SBNO1: variants seen among roughly 807,000 people sequenced by gnomAD.
SBNO1 encodes the protein protein strawberry notch homolog 1.
In SBNO1, 23 loss-of-function variants were observed where a neutral mutation model predicts 173.6. That is an observed-to-expected ratio of 0.13 (90% CI 0.10 to 0.19). The LOEUF (loss-of-function observed/expected upper bound fraction) is 0.19, where lower values mean the gene tolerates loss of function less well. Among genes scored for constraint, SBNO1 ranks in the 10% least tolerant of loss-of-function variants. The probability of loss-of-function intolerance (pLI) is 1.00; values close to 1 mark genes in which losing one functional copy is unlikely to be tolerated. For missense variants in SBNO1, 1,238 were observed against 1,671.2 expected, an observed-to-expected ratio of 0.74 and a Z score of 4.52; for synonymous variants, 632 against 571.5, an observed-to-expected ratio of 1.11 and a Z score of -1.51.
chr12:123,336,353 G>A, intron 6 of SBNO1, 42 bp downstream of exon 6: 3 of 1,215,844 alleles, frequency 2.5e-6, no homozygotes, highest in East Asian at 2.4e-5. Context: ...GAAACCACAG[G>A]AAAACTTTGA....
intron 30 of SBNO1, among the ~76,000 whole-genome samples, chr12:123,301,081 C>T (rs2048776686): frequency 6.6e-6 from 1 of 151,908 alleles, no homozygotes; most frequent in Admixed American, 6.6e-5. Context: ...GATCTCAGCT[C>T]ACCGCAACTT....
chr12:123,315,150 T>G (rs1050582748), intron 23 of SBNO1, among the ~76,000 whole-genome samples: 4 of 152,254 alleles, frequency 2.6e-5, no homozygotes, highest in African/African-American at 9.6e-5. Flanking sequence ...GTCTCATTTA[T>G]TCTTGTTTTC....
chr12:123,328,124 G>C lies in SBNO1; in HGVS notation c.1297-97C>G, dbSNP rs751855088. ...AACTTTTATTTCCCTGAGGCCTTCTGATTGCCTATTTCATGACTGCAAATA... is the reference window on the plus strand; with the variant it reads ...AACTTTTATTTCCCTGAGGCCTTCTCATTGCCTATTTCATGACTGCAAATA... On this transcript the variant is annotated intron_variant, in intron 10 of 31. Transcript: ENST00000602398. 3.1e-6 allele frequency: 3 copies of C among 954,242 alleles called. No individual in the cohort carries two copies. The Admixed American group carries it at 7.0e-5, about 22-fold the overall frequency. The allele number at this position is 954,242 out of a possible 1,614,324, so 59.1% of individuals were successfully genotyped here.
chr12:123,304,923 T>TA (rs2048877910), intron 28 of SBNO1, among the ~76,000 whole-genome samples: 2 of 152,210 alleles, frequency 1.3e-5, no homozygotes, highest in African/African-American at 2.4e-5. Flanking sequence ...TAATTCTGGC[T>TA]AAAGATGAAG....
At chr12:123,355,134 C>T (rs776927707) in intron 1 of SBNO1, among the ~76,000 whole-genome samples, 5 of 152,064 alleles carry the variant, frequency 3.3e-5, no homozygotes, top group Non-Finnish European at 7.4e-5. Flanking sequence ...AATTCTCCTG[C>T]CTCAGCCTCC....
At chr12:123,313,414 G>A (rs1249666250) in intron 24 of SBNO1, among the ~76,000 whole-genome samples, 1 of 151,816 alleles carries the variant, frequency 6.6e-6, no homozygotes, top group African/African-American at 2.4e-5. Flanking sequence ...CATATCAACA[G>A]TAAGAGCACT....
chr12:123,348,028 C>G lies in SBNO1; in HGVS notation c.237+1G>C. ...TAACGACGAATCTAAATCATTCTTA[C>G]CCTCACATTTAATAGTGCTGGAGTA... On this transcript the variant is annotated splice_donor_variant, in intron 3 of 31. Coordinates refer to ENST00000602398, the MANE Select transcript of SBNO1 (RefSeq NM_001167856.3). LOFTEE classifies it high-confidence loss of function. The G allele has an allele frequency of 1.3e-6, 2 of 1,554,576 alleles. No homozygotes were observed. The highest frequency in any genetic ancestry group is 1.8e-6 in the Non-Finnish European group (2 of 1,128,864).
chr12:123,300,991 C>A (rs73231952), intron 30 of SBNO1, among the ~76,000 whole-genome samples: 16,289 of 131,512 alleles, frequency 0.12, 988 homozygotes, highest in East Asian at 0.29. Context: ...AAAAAAAAAA[C>A]CCAAGTTAGT....
At chr12:123,304,800 C>G in intron 28 of SBNO1, 81 bp from the exon 29 acceptor site, 1 of 973,910 alleles carries the variant, frequency 1.0e-6, no homozygotes, top group Non-Finnish European at 1.6e-6. Context: ...CGTCAGCAAA[C>G]ATAATCATTT....
intron 5 of SBNO1, among the ~76,000 whole-genome samples, chr12:123,340,739 G>A (rs1872461005): frequency 6.6e-6 from 1 of 152,034 alleles, no homozygotes; most frequent in East Asian, 1.9e-4. Flanking sequence ...CTGCTCAGAT[G>A]AGATTTTTAA....
rs1053927171 is a variant in SBNO1, at chr12:123,300,657, C to CA, written c.3845+2166dup. Among the ~76,000 whole-genome samples, 30 of 143,556 alleles carry CA rather than the reference C, an allele frequency of 2.1e-4. No individual in the cohort carries two copies. The East Asian group carries it at 2.7e-3, about 13-fold the overall frequency. 94.2% of individuals were successfully genotyped at this position (143,556 alleles called of 152,430 possible). ...TGGGTGACAGAGCGAGACTCCATCT[C>CA]AAAAAAAAGAAATGTTTGTAGGGGC... On this transcript the variant is annotated intron_variant, in intron 30 of 31. Transcript: ENST00000602398.
intron 9 of SBNO1, 85 bp from the exon 10 acceptor site, chr12:123,328,980 A>G: frequency 1.3e-6 from 1 of 779,142 alleles, no homozygotes; most frequent in Non-Finnish European, 2.0e-6. Context: ...CACAAGCAGG[A>G]ACTCTTGTTA....
At chr12:123,354,815 G>C (rs1052592216) in intron 1 of SBNO1, among the ~76,000 whole-genome samples, 1 of 152,162 alleles carries the variant, frequency 6.6e-6, no homozygotes, top group Non-Finnish European at 1.5e-5. Flanking sequence ...CCATGGAGCA[G>C]TCTGACAAAC....
At position 123,317,302 on chromosome 12, in the gene SBNO1, T is replaced by C; in HGVS notation, c.2854A>G (p.Arg952Gly). 1 of 1,613,938 alleles carries C rather than the reference T, an allele frequency of 6.2e-7. No individual in the cohort carries two copies. Among genetic ancestry groups the C allele is most frequent in the Non-Finnish European group, 8.5e-7 (1 of 1,179,808 alleles). ...CTTCGCCTTTGATTTTTAGCTCTCC[T>C]ATCTGCTTGTAATGAAATACCCGAG... ...ASSGISLQAD[R>G]RAKNQRRRVH... The change falls in exon 21 of 32, where the codon AGG becomes GGG. Residue 952 changes from arginine (R) to glycine (G), a missense_variant. Transcript: ENST00000602398.
At chr12:123,354,784 A>G (rs922649465) in intron 1 of SBNO1, among the ~76,000 whole-genome samples, 1 of 152,236 alleles carries the variant, frequency 6.6e-6, no homozygotes. Flanking sequence ...AAAGGAATTC[A>G]TAGACCTCAG....
intron 28 of SBNO1, 22 bp downstream of exon 28, chr12:123,309,288 G>C (rs767634630): frequency 1.3e-6 from 2 of 1,561,572 alleles, no homozygotes; most frequent in African/African-American, 2.7e-5. Flanking sequence ...TATCTGAATA[G>C]AATTTAAAGG....
intron 16 of SBNO1, among the ~76,000 whole-genome samples, chr12:123,322,569 T>C (rs1870108663): frequency 6.6e-6 from 1 of 150,574 alleles, no homozygotes. Context: ...AAAGCTGGGA[T>C]TACAGGCGTG....
rs1303408255 is a variant in SBNO1 at position 123,295,817 on chromosome 12, T to C, written c.*91A>G. On this transcript the variant is annotated 3_prime_UTR_variant, in exon 32 of 32. Coordinates refer to ENST00000602398, the MANE Select transcript of SBNO1 (RefSeq NM_001167856.3). ...CTAGAGAGCACAACTGAAAAAAATA[T>C]ATAATTCTTTGGAAACTGTCCCTGA... The C allele has an allele frequency of 6.6e-6, 10 of 1,517,362 alleles. No homozygotes were observed. In the Middle Eastern group the frequency reaches 5.3e-4, roughly 81 times the overall value. The allele number at this position is 1,517,362 out of a possible 1,614,324, so 94.0% of individuals were successfully genotyped here. A position where few individuals can be genotyped will look rare whatever the true frequency, so the allele number is the denominator to read the frequency against.
At chr12:123,332,131 G>C (rs980588672) in intron 7 of SBNO1, among the ~76,000 whole-genome samples, 1 of 152,046 alleles carries the variant, frequency 6.6e-6, no homozygotes, top group Non-Finnish European at 1.5e-5. Context: ...TTACAGGCAC[G>C]AGTCACCGCG....
Sources: allele counts gnomAD v4.1 joint callset (sites outside exome capture counted in the v4.1 genomes callset), GRCh38; gene constraint gnomAD v4.1.1; transcripts MANE v1.5; gene names NCBI Gene and HGNC (gene_info 2026-07-23, HGNC 2026-07-21).